The following ZFAT variants were observed in gnomAD, a reference collection of about 807,000 sequenced individuals.
ZFAT encodes zinc finger protein ZFAT.
ZFAT carries 64 observed loss-of-function variants against 117.7 expected under a neutral mutation model. That is an observed-to-expected ratio of 0.54 (90% CI 0.44 to 0.67). ZFAT has a LOEUF of 0.67. Among genes scored for constraint, ZFAT ranks in the 30% least tolerant of loss-of-function variants. ZFAT has a pLI of 0.00. For synonymous variants in ZFAT, 679 were observed against 615.0 expected, an observed-to-expected ratio of 1.10 and a Z score of -1.54; for missense variants, 1,433 against 1,584.5, an observed-to-expected ratio of 0.90 and a Z score of 1.62.
At chr8:134,494,709 G>GGAATAAA (rs1818306871) in intron 15 of ZFAT, among the ~76,000 whole-genome samples, 1 of 151,980 alleles carries the variant, frequency 6.6e-6, no homozygotes, top group Non-Finnish European at 1.5e-5. Context: ...CAAACTCCCA[G>GGAATAAA]GAATAAAGTG....
the ZFAT span, among the ~76,000 whole-genome samples, chr8:134,734,188 C>G: frequency 2.9e-4 from 44 of 152,338 alleles, no homozygotes; most frequent in Non-Finnish European, 5.3e-4. Context: ...TGCTCTCCCC[C>G]ACTTCAGGGG....
the ZFAT span, among the ~76,000 whole-genome samples, chr8:134,749,625 G>T: frequency 6.6e-6 from 1 of 152,132 alleles, no homozygotes; most frequent in Non-Finnish European, 1.5e-5. Context: ...TCAGACCAAA[G>T]CAGTCTTCAA....
At chr8:134,588,446 T>C (rs1025584891) in intron 8 of ZFAT, 51 bp from the exon 9 acceptor site, 1 of 1,513,394 alleles carries the variant, frequency 6.6e-7, no homozygotes, top group Non-Finnish European at 8.8e-7. Flanking sequence ...CAGGGGAAGT[T>C]AGACATAAAT....
chr8:134,556,329 CATATATGTATTAATACATATGTGTTA>C (rs933213650), intron 11 of ZFAT, among the ~76,000 whole-genome samples: 3 of 151,796 alleles, frequency 2.0e-5, no homozygotes, highest in Non-Finnish European at 4.4e-5. Flanking sequence ...TAGTGCCTCA[CATATATGTATTAATACATATGTGTTA>C]ATATATGTGG....
chr8:134,491,279 G>A (rs993655517), intron 15 of ZFAT, among the ~76,000 whole-genome samples: 4 of 152,208 alleles, frequency 2.6e-5, no homozygotes, highest in Non-Finnish European at 4.4e-5. Context: ...CGGCATCAGC[G>A]ATGCTGCTCA....
chr8:134,707,005 T>C (rs1323327527), intron 1 of ZFAT, among the ~76,000 whole-genome samples: 1 of 152,144 alleles, frequency 6.6e-6, no homozygotes, highest in Non-Finnish European at 1.5e-5. Context: ...GATAAAGTCC[T>C]GACAGCTTCC....
intron 7 of ZFAT, among the ~76,000 whole-genome samples, chr8:134,590,717 A>T (rs1420580380): frequency 8.0e-6 from 1 of 125,672 alleles, no homozygotes; most frequent in Non-Finnish European, 1.7e-5. Context: ...CACCATCACC[A>T]TTACCACCAC....
At chr8:134,831,409 A>C in the ZFAT span, among the ~76,000 whole-genome samples, 1 of 152,204 alleles carries the variant, frequency 6.6e-6, no homozygotes, top group Non-Finnish European at 1.5e-5. Context: ...AACATTAAAC[A>C]CTGGCATAGC....
intron 11 of ZFAT, among the ~76,000 whole-genome samples, chr8:134,545,518 A>T (rs939105916): frequency 1.3e-5 from 2 of 152,236 alleles, no homozygotes; most frequent in Admixed American, 6.5e-5. Flanking sequence ...AAAAAATGAG[A>T]CATGGTTTAG....
chr8:134,685,682 C>G (rs1833284810), intron 1 of ZFAT, among the ~76,000 whole-genome samples: 1 of 152,154 alleles, frequency 6.6e-6, no homozygotes, highest in South Asian at 2.1e-4. Flanking sequence ...AGTCTTTTAG[C>G]AAAACAACAC....
chr8:134,767,133 C>T, the ZFAT span: 7 of 152,160 alleles, frequency 4.6e-5, no homozygotes, highest in South Asian at 2.1e-4. Context: ...ATGAAACTTA[C>T]GGCACAGTAT....
Position 134,600,589 on chromosome 8 carries a change from C to T in ZFAT, c.2322G>A (p.Gln774=). ...HTREHLYYCS[Q]CHYSSITKNC... ...TTTTGGTGATGGAAGAATAATGACACTGAGAGCAATAATACAGATGTTCCC... is the reference window on the plus strand; with the variant it reads ...TTTTGGTGATGGAAGAATAATGACATTGAGAGCAATAATACAGATGTTCCC... The change falls in exon 7 of 16, where the codon CAG becomes CAA. Residue 774 remains glutamine (Q), a synonymous_variant. Transcript: ENST00000377838. The T allele has an allele frequency of 6.2e-7, 1 of 1,614,000 alleles. No homozygotes were observed. Among genetic ancestry groups the T allele is most frequent in the Non-Finnish European group, 8.5e-7 (1 of 1,180,032 alleles).
intron 1 of ZFAT, among the ~76,000 whole-genome samples, chr8:134,659,971 G>A (rs962589948): frequency 2.0e-5 from 3 of 152,130 alleles, no homozygotes; most frequent in African/African-American, 2.4e-5. Flanking sequence ...ACATTGCTTC[G>A]CCAATGAAAA....
intron 11 of ZFAT, among the ~76,000 whole-genome samples, chr8:134,533,929 A>G (rs934665965): frequency 2.0e-5 from 3 of 152,172 alleles, no homozygotes; most frequent in South Asian, 2.1e-4. Context: ...CCTGTAATCC[A>G]CATGCTGTAT....
the ZFAT span, among the ~76,000 whole-genome samples, chr8:134,722,334 G>A: frequency 6.6e-6 from 1 of 152,224 alleles, no homozygotes; most frequent in Non-Finnish European, 1.5e-5. Context: ...GGAGGCAAGA[G>A]TATAAGAAAA....
the ZFAT span, among the ~76,000 whole-genome samples, chr8:134,775,678 T>C: frequency 6.6e-6 from 1 of 152,234 alleles, no homozygotes; most frequent in Admixed American, 6.5e-5. Flanking sequence ...TTTTCTCAGA[T>C]CTCAGTTGGT....
At chr8:134,646,373 C>T (rs1258505280) in intron 2 of ZFAT, among the ~76,000 whole-genome samples, 1 of 151,592 alleles carries the variant, frequency 6.6e-6, no homozygotes, top group Non-Finnish European at 1.5e-5. Flanking sequence ...TTGAGATGAA[C>T]AAAACAAAAA....
chr8:134,503,887 C>T (rs1563782889), intron 15 of ZFAT, among the ~76,000 whole-genome samples: 1 of 152,128 alleles, frequency 6.6e-6, no homozygotes, highest in Non-Finnish European at 1.5e-5. Context: ...TCCACAGTCA[C>T]ATCAGCCAAT....
chr8:134,643,185 T>G (rs1487235187), intron 2 of ZFAT, among the ~76,000 whole-genome samples: 1 of 152,248 alleles, frequency 6.6e-6, no homozygotes, highest in East Asian at 1.9e-4. Flanking sequence ...CACTGAGGCT[T>G]AAGAAGATTA....
Sources: gnomAD v4.1 joint callset for allele counts (sites outside exome capture counted in the v4.1 genomes callset) on GRCh38, gnomAD v4.1.1 for gene constraint, MANE v1.5 for transcripts, NCBI Gene and HGNC (gene_info 2026-07-23, HGNC 2026-07-21) for gene names.